The following FAM117B variants were observed in gnomAD, a reference collection of about 807,000 sequenced individuals.
FAM117B encodes family with sequence similarity 117 member B, also known as protein FAM117B.
In FAM117B, 22 loss-of-function variants were observed where a neutral mutation model predicts 52.8. The ratio of observed to expected loss-of-function variants is 0.42; its 90% CI spans 0.30 to 0.59. The LOEUF (loss-of-function observed/expected upper bound fraction) is 0.59, where lower values mean the gene tolerates loss of function less well. FAM117B is among the 20% of genes least tolerant of loss of function. The probability of loss-of-function intolerance (pLI) is 0.22; values close to 1 mark genes in which losing one functional copy is unlikely to be tolerated. For missense variants in FAM117B, 678 were observed against 802.6 expected, an observed-to-expected ratio of 0.84 and a Z score of 1.88; for synonymous variants, 309 against 324.1, an observed-to-expected ratio of 0.95 and a Z score of 0.50.
At chr2:202,675,858 G>T (rs1351825510) in intron 1 of FAM117B, among the ~76,000 whole-genome samples, 5 of 151,864 alleles carry the variant, frequency 3.3e-5, no homozygotes, top group Admixed American at 3.3e-4. Context: ...GGTGGCATGT[G>T]CCCGTAATCC....
intron 6 of FAM117B, among the ~76,000 whole-genome samples, chr2:202,758,023 T>C (rs777220220): frequency 3.9e-5 from 6 of 152,244 alleles, no homozygotes; most frequent in Non-Finnish European, 8.8e-5. Flanking sequence ...AAAACAAATA[T>C]TAGCCTTGCA....
intron 4 of FAM117B, among the ~76,000 whole-genome samples, chr2:202,747,841 G>A (rs1691658232): frequency 6.6e-6 from 1 of 152,052 alleles, no homozygotes; most frequent in African/African-American, 2.4e-5. Context: ...TATGTTCATA[G>A]GAAGAATTCA....
At chr2:202,662,591 C>T (rs1690146934) in intron 1 of FAM117B, among the ~76,000 whole-genome samples, 1 of 152,106 alleles carries the variant, frequency 6.6e-6, no homozygotes, top group African/African-American at 2.4e-5. Context: ...GCCTGTAATC[C>T]CAGCACTTTG....
rs140136612 is a variant in FAM117B at position 202,759,264 on chromosome 2, T to C, written c.1362T>C (p.Tyr454=). ...ENGNNSPLPK[Y]ATSPKPNNSY... is the part of the protein sequence containing the mutation. ...GGAACAATTCTCCTTTGCCCAAATATGCAACCTCACCAAAACCTAACAACA... is the reference window on the plus strand; with the variant it reads ...GGAACAATTCTCCTTTGCCCAAATACGCAACCTCACCAAAACCTAACAACA... Residue 454 remains tyrosine, a synonymous_variant, in exon 7 of 8, where the codon TAT becomes TAC. Transcript: ENST00000392238. 8.2e-5 allele frequency: 133 copies of C among 1,614,038 alleles called. No homozygotes were observed. The African/African-American group carries it at 1.7e-3, about 21-fold the overall frequency.
At chr2:202,668,129 A>G (rs905149808) in intron 1 of FAM117B, among the ~76,000 whole-genome samples, 1 of 142,514 alleles carries the variant, frequency 7.0e-6, no homozygotes, top group African/African-American at 2.7e-5. Context: ...TATAAAATAT[A>G]TATTTTATAA....
At chr2:202,641,641 CTTTTTTTT>C (rs36085021) in intron 1 of FAM117B, among the ~76,000 whole-genome samples, 2 of 140,204 alleles carry the variant, frequency 1.4e-5, no homozygotes, top group Non-Finnish European at 3.1e-5. Context: ...ATTTTATTTT[CTTTTTTTT>C]TTTTTTTGAG....
chr2:202,725,911 C>G (rs555947279), intron 3 of FAM117B, among the ~76,000 whole-genome samples: 4 of 152,020 alleles, frequency 2.6e-5, no homozygotes, highest in Non-Finnish European at 5.9e-5. Flanking sequence ...TTCAATAAAT[C>G]TAAATTGAAA....
rs535444210 is a variant in FAM117B at position 202,764,517 on chromosome 2, C to T, written c.1452-929C>T. On this transcript the variant is annotated intron_variant, in intron 7 of 7. Transcript: ENST00000392238. ...ACTCCTGGGTTCAAGTAAGCCTCCC[C>T]GCTCAGACTCCCAAAGTGCTGAAAT... is the stretch of plus-strand genomic sequence containing the variant. Among the ~76,000 whole-genome samples the T allele has an allele frequency of 1.8e-3, 267 of 152,090 alleles. 1 individual carries two copies. The highest frequency in any genetic ancestry group is 6.0e-3 in the African/African-American group (250 of 41,510).
intron 1 of FAM117B, among the ~76,000 whole-genome samples, chr2:202,677,331 G>A (rs1690394669): frequency 6.6e-6 from 1 of 152,176 alleles, no homozygotes; most frequent in African/African-American, 2.4e-5. Flanking sequence ...CTCCCAAAGT[G>A]CTGGGATTAC....
intron 4 of FAM117B, among the ~76,000 whole-genome samples, chr2:202,731,469 C>T (rs538930541): frequency 5.5e-4 from 82 of 150,286 alleles, no homozygotes; most frequent in African/African-American, 1.7e-3. Flanking sequence ...CTCTCACTGT[C>T]GCCTGGACTG....
At chr2:202,644,364 A>C (rs950757127) in intron 1 of FAM117B, among the ~76,000 whole-genome samples, 1 of 152,156 alleles carries the variant, frequency 6.6e-6, no homozygotes, top group African/African-American at 2.4e-5. Flanking sequence ...TATCCCTAAG[A>C]AAGTTTTGAT....
At chr2:202,684,130 G>C (rs1690503000) in intron 1 of FAM117B, among the ~76,000 whole-genome samples, 1 of 152,166 alleles carries the variant, frequency 6.6e-6, no homozygotes, top group South Asian at 2.1e-4. Context: ...GCCTCCCAAA[G>C]TGCTGGGATT....
chr2:202,674,580 C>T (rs35475932), intron 1 of FAM117B, among the ~76,000 whole-genome samples: 1,791 of 152,362 alleles, frequency 0.012, 18 homozygotes, highest in Middle Eastern at 0.034. Flanking sequence ...GTACTACCAA[C>T]GTCTTGAGTT....
chr2:202,673,546 C>T lies in FAM117B; in HGVS notation c.602-22335C>T, dbSNP rs1329748335. Among the ~76,000 whole-genome samples, 3 of 135,768 alleles carry T rather than the reference C, an allele frequency of 2.2e-5. No homozygotes were observed. In the East Asian group the frequency reaches 7.7e-4, roughly 35 times the overall value. The allele number at this position is 135,768 out of a possible 152,430, so 89.1% of individuals were successfully genotyped here. On this transcript the variant is annotated intron_variant, in intron 1 of 7. Transcript: ENST00000392238. The stretch of plus-strand genomic sequence containing the variant: ...CACTGCAACCTCCGCCTCCTGGGTT[C>T]AAGCGATTCTCCTGCCTCAGCCTCC...
Position 202,767,728 on chromosome 2 carries a change from A to G in FAM117B, c.*1964A>G, listed in dbSNP as rs1340309151. The G allele has an allele frequency of 6.6e-6, 1 of 152,244 alleles. No individual in the cohort carries two copies. The highest frequency in any genetic ancestry group is 2.4e-5 in the African/African-American group (1 of 41,466). 9.4% of individuals were successfully genotyped at this position (152,244 alleles called of 1,614,324 possible). A position where few individuals can be genotyped will look rare whatever the true frequency, so the allele number is the denominator to read the frequency against. Reference sequence around the variant, plus strand: ...TCTTATACTCATGTACCTTTAAAACATCTAAGCAATTTAAAATAATCCCTG... The same window carrying G: ...TCTTATACTCATGTACCTTTAAAACGTCTAAGCAATTTAAAATAATCCCTG... On this transcript the variant is annotated 3_prime_UTR_variant, in exon 8 of 8. Transcript: ENST00000392238.
chr2:202,673,685 T>C (rs1690336767), intron 1 of FAM117B, among the ~76,000 whole-genome samples: 1 of 151,962 alleles, frequency 6.6e-6, no homozygotes, highest in South Asian at 2.1e-4. Context: ...TGACCTCAGG[T>C]GATCCGCCTG....
At position 202,766,889 on chromosome 2, in the gene FAM117B, AC is replaced by A. The variant is rs879532084; in HGVS notation, c.*1126del. ...TGTAATCCAGTGGATAGTGATCCAA[AC>A]TGTAGCCGCAGAATCCTGTGACTGA... On this transcript the variant is annotated 3_prime_UTR_variant, in exon 8 of 8. Coordinates refer to ENST00000392238, the MANE Select transcript of FAM117B (RefSeq NM_173511.4). 8 of 152,434 alleles carry A rather than the reference AC, an allele frequency of 5.2e-5. No individual in the cohort carries two copies. The highest frequency in any genetic ancestry group is 3.3e-4 in the Admixed American group (5 of 15,274). 9.4% of individuals were successfully genotyped at this position (152,434 alleles called of 1,614,324 possible).
intron 7 of FAM117B, 145 bp downstream of exon 7, chr2:202,759,498 C>T: frequency 9.6e-7 from 1 of 1,042,332 alleles, no homozygotes; most frequent in Non-Finnish European, 1.3e-6. Flanking sequence ...CTCAAGTTAT[C>T]TTCCCACCTC....
Position 202,635,006 on chromosome 2 carries a change from GGCGGCGGCGGCT to G in FAM117B, c.-179_-168del, listed in dbSNP as rs1689646472. Among the ~76,000 whole-genome samples the G allele has an allele frequency of 2.0e-5, 3 of 152,074 alleles. No homozygotes were observed. The highest frequency in any genetic ancestry group is 6.5e-5 in the Admixed American group (1 of 15,280). On this transcript the variant is annotated 5_prime_UTR_variant, in exon 1 of 8. Transcript: ENST00000392238. ...ATTGTTGATGAGGAGCGGCGGCGGC[GGCGGCGGCGGCT>G]GCACCACCTCGTTGCTGCCTGCCCC...
Sources: allele counts gnomAD v4.1 joint callset (sites outside exome capture counted in the v4.1 genomes callset), GRCh38; gene constraint gnomAD v4.1.1; transcripts MANE v1.5; gene names NCBI Gene and HGNC (gene_info 2026-07-23, HGNC 2026-07-21).